The following ERI1 variants were observed in gnomAD, a reference collection of about 807,000 sequenced individuals.
ERI1 encodes the protein exoribonuclease 1.
Under a neutral mutation model 39.7 loss-of-function variants are expected in ERI1, and 39 were observed. That is an observed-to-expected ratio of 0.98 (90% confidence interval 0.76 to 1.28). The LOEUF is 1.28. Among genes scored for constraint, ERI1 ranks in the 50% most tolerant of loss-of-function variants. The probability of loss-of-function intolerance (pLI) is 0.00; values close to 1 mark genes in which losing one functional copy is unlikely to be tolerated. For synonymous variants in ERI1, 204 were observed against 149.6 expected, an observed-to-expected ratio of 1.36 and a Z score of -2.65; for missense variants, 581 against 416.9, an observed-to-expected ratio of 1.39 and a Z score of -3.43.
intron 3 of ERI1, among the ~76,000 whole-genome samples, chr8:9,014,656 C>T (rs1477834436): frequency 6.6e-6 from 1 of 152,050 alleles, no homozygotes; most frequent in Non-Finnish European, 1.5e-5. Flanking sequence ...TTTAGTACTA[C>T]CGAATTATAA....
At chr8:9,066,058 C>A (rs757205465) in intron 3 of ERI1, among the ~76,000 whole-genome samples, 56 of 152,138 alleles carry the variant, frequency 3.7e-4, no homozygotes, top group Non-Finnish European at 7.1e-4. Flanking sequence ...TTTGCGATAT[C>A]AACACCACTA....
chr8:9,007,894 T>C (rs1463872718), intron 1 of ERI1, 76 bp from the exon 2 acceptor site: 3 of 1,510,432 alleles, frequency 2.0e-6, no homozygotes, highest in Non-Finnish European at 2.6e-6. Context: ...AAAGTTTGAA[T>C]CTTTAAATCT....
At chr8:9,099,581 C>T (rs189355099) in intron 3 of ERI1, among the ~76,000 whole-genome samples, 10 of 143,496 alleles carry the variant, frequency 7.0e-5, no homozygotes, top group Admixed American at 2.8e-4. Flanking sequence ...GGCAATAGAG[C>T]GGGACACTCT....
chr8:9,003,132 G>A lies in ERI1; in HGVS notation c.69G>A (p.Arg23=). 8.0e-7 allele frequency: 1 copy of A among 1,245,272 alleles called. No homozygotes were observed. Among genetic ancestry groups the A allele is most frequent in the South Asian group, 3.9e-5 (1 of 25,840 alleles). 77.1% of individuals were successfully genotyped at this position (1,245,272 alleles called of 1,614,324 possible). A position where few individuals can be genotyped will look rare whatever the true frequency, so the allele number is the denominator to read the frequency against. ...CTCTCGCGCTGCTGGAGTCGCCGCG[G>A]CCGGAGGGCGGGGAGGAGCCGCCGC... ...AVALALLESP[R]PEGGEEPPRP... Residue 23 remains arginine, a synonymous_variant, in exon 1 of 7, where the codon CGG becomes CGA. Transcript: ENST00000250263.
intron 4 of ERI1, among the ~76,000 whole-genome samples, chr8:9,016,837 C>T (rs926196619): frequency 1.3e-5 from 2 of 151,982 alleles, no homozygotes; most frequent in Admixed American, 6.6e-5. Context: ...AGGCGCGTTG[C>T]CACCACACCC....
intron 4 of ERI1, 85 bp from the exon 5 acceptor site, chr8:9,018,212 C>G (rs1459334182): frequency 1.5e-6 from 1 of 664,766 alleles, no homozygotes; most frequent in African/African-American, 1.8e-5. Flanking sequence ...ACTGTTTCTT[C>G]CCCTCCAACT....
chr8:9,046,019 A>C (rs1028972105), intron 3 of ERI1, among the ~76,000 whole-genome samples: 1 of 152,108 alleles, frequency 6.6e-6, no homozygotes, highest in East Asian at 1.9e-4. Context: ...CCCAGACCCC[A>C]CTCAGAGATT....
intron 1 of ERI1, 120 bp downstream of exon 1, chr8:9,003,291 G>C (rs1815572419): frequency 1.8e-6 from 1 of 552,668 alleles, no homozygotes; most frequent in East Asian, 3.5e-5. Context: ...TTGGACCCCA[G>C]CCTCTTCCTC....
chr8:9,050,462 G>T (rs1798321217), intron 3 of ERI1, among the ~76,000 whole-genome samples: 1 of 150,906 alleles, frequency 6.6e-6, no homozygotes, highest in African/African-American at 2.4e-5. Flanking sequence ...AGCTGAGACG[G>T]TGCCATTACA....
At chr8:9,099,519 T>A (rs901668334) in intron 3 of ERI1, among the ~76,000 whole-genome samples, 1 of 149,096 alleles carries the variant, frequency 6.7e-6, no homozygotes, top group Admixed American at 6.7e-5. Context: ...CAGTTGAGCC[T>A]GGGAGGTCAA....
rs112841069 is a variant in ERI1, at chr8:9,061,207, C to T, written n.299+40743C>T. On this transcript the variant is annotated intron_variant and non_coding_transcript_variant, in intron 3 of 3. Coordinates refer to the ERI1 transcript ENST00000518663. The stretch of plus-strand genomic sequence containing the variant: ...CTGCCATCAATAAACTAAATGTGAT[C>T]GGGGTGAGGAGCAGGAAGGAAGGAA... Among the ~76,000 whole-genome samples, 996 of 152,094 alleles carry T rather than the reference C, an allele frequency of 6.5e-3. 8 individuals are homozygous for T. The highest frequency in any genetic ancestry group is 0.022 in the African/African-American group (928 of 41,476).
At chr8:9,067,204 T>C (rs1798905716) in intron 3 of ERI1, among the ~76,000 whole-genome samples, 1 of 152,166 alleles carries the variant, frequency 6.6e-6, no homozygotes, top group Admixed American at 6.5e-5. Context: ...GGGTACGTCA[T>C]TCATACACAT....
At chr8:9,091,089 T>G (rs555951291) in intron 3 of ERI1, among the ~76,000 whole-genome samples, 61 of 152,238 alleles carry the variant, frequency 4.0e-4, no homozygotes, top group Non-Finnish European at 7.6e-4. Flanking sequence ...CCCTATTTTA[T>G]TTATGTGTAA....
At chr8:9,007,067 G>A (rs1563306919) in intron 1 of ERI1, among the ~76,000 whole-genome samples, 1 of 152,136 alleles carries the variant, frequency 6.6e-6, no homozygotes, top group Non-Finnish European at 1.5e-5. Context: ...TTGTGATATT[G>A]CATGTGGAAA....
In ERI1 at chr8:9,030,083, T is replaced by G. The variant is rs745694436; in HGVS notation, c.*49T>G. On this transcript the variant is annotated 3_prime_UTR_variant, in exon 7 of 7. Coordinates refer to ENST00000250263, the MANE Select transcript of ERI1 (RefSeq NM_153332.4). ...TCCAATTGAAGTTGCTATGAAGAGGTAGCAGATGAATCTCATTGAATTAGT... is the reference window on the plus strand; with the variant it reads ...TCCAATTGAAGTTGCTATGAAGAGGGAGCAGATGAATCTCATTGAATTAGT... 17 of 1,602,022 alleles carry G rather than the reference T, an allele frequency of 1.1e-5. No individual in the cohort carries two copies. The highest frequency in any genetic ancestry group is 1.5e-5 in the Non-Finnish European group (17 of 1,171,290).
At chr8:9,077,689 G>C (rs1312680387) in intron 3 of ERI1, among the ~76,000 whole-genome samples, 1 of 152,248 alleles carries the variant, frequency 6.6e-6, no homozygotes, top group Non-Finnish European at 1.5e-5. Context: ...CTCTGAGCAA[G>C]AGGTCAGACC....
chr8:9,036,883 T>A (rs901975698), downstream of ERI1, among the ~76,000 whole-genome samples: 5 of 152,108 alleles, frequency 3.3e-5, no homozygotes, highest in Admixed American at 3.3e-4. Flanking sequence ...TCCCTTTGGA[T>A]TTATTTTTGT....
intron 3 of ERI1, among the ~76,000 whole-genome samples, chr8:9,062,403 G>A (rs949207885): frequency 1.3e-5 from 2 of 151,680 alleles, no homozygotes; most frequent in Non-Finnish European, 2.9e-5. Context: ...TAGTTAAAAT[G>A]TCTTGGCCTA....
chr8:9,033,854 C>T (rs1030812401), downstream of ERI1, among the ~76,000 whole-genome samples: 1 of 114,830 alleles, frequency 8.7e-6, no homozygotes, highest in Admixed American at 7.5e-5. Flanking sequence ...GTAGAATAAA[C>T]ATCTTCCTGT....
Sources: gnomAD v4.1 joint callset for allele counts (sites outside exome capture counted in the v4.1 genomes callset) on GRCh38, gnomAD v4.1.1 for gene constraint, MANE v1.5 for transcripts, NCBI Gene and HGNC (gene_info 2026-07-23, HGNC 2026-07-21) for gene names.